The following JAK1 variants were observed in gnomAD, a reference collection of about 807,000 sequenced individuals.
JAK1 encodes tyrosine-protein kinase JAK1.
A neutral mutation model predicts 136.6 loss-of-function variants in JAK1; 16 were observed. The observed-to-expected ratio is 0.12, with a 90% CI of 0.08 to 0.18. JAK1 has a LOEUF of 0.18. Ranked by LOEUF, JAK1 falls within the 10% of genes least tolerant of loss-of-function variation. The pLI is 1.00. For missense variants in JAK1, 859 were observed against 1,450.1 expected, an observed-to-expected ratio of 0.59 and a Z score of 6.62; for synonymous variants, 492 against 519.5, an observed-to-expected ratio of 0.95 and a Z score of 0.72.
At chr1:64,992,177 C>G (rs544412376) in intron 2 of JAK1, 1 of 151,882 alleles carries the variant, frequency 6.6e-6, no homozygotes, top group Admixed American at 6.6e-5. Flanking sequence ...GTCAGGAGTT[C>G]GAGATCAGCC....
intron 1 of JAK1, among the ~76,000 whole-genome samples, chr1:64,931,005 G>A (rs889119797): frequency 3.3e-5 from 5 of 152,018 alleles, no homozygotes; most frequent in African/African-American, 1.2e-4. Context: ...TCAGGGGGTG[G>A]GGGACTAGGG....
chr1:64,838,691 G>A (rs1217636714), intron 20 of JAK1, 102 bp from the exon 21 acceptor site: 2 of 1,149,570 alleles, frequency 1.7e-6, no homozygotes, highest in Non-Finnish European at 2.5e-6. Context: ...GGTGACGCCA[G>A]CTTCGCCCCT....
At chr1:65,004,740 TATA>T (rs1646790073) in intron 2 of JAK1, among the ~76,000 whole-genome samples, 1 of 152,228 alleles carries the variant, frequency 6.6e-6, no homozygotes, top group African/African-American at 2.4e-5. Context: ...ACAATGTGGT[TATA>T]ATAATATAAT....
intron 23 of JAK1, 39 bp from the exon 24 acceptor site, chr1:64,835,545 A>T: frequency 8.3e-7 from 1 of 1,206,328 alleles, no homozygotes; most frequent in East Asian, 2.4e-5. Context: ...TTAACTTTGC[A>T]AGTATTTACA....
intron 2 of JAK1, chr1:64,985,051 T>A: frequency 1.2e-6 from 1 of 869,176 alleles, no homozygotes; most frequent in South Asian, 1.3e-5. Flanking sequence ...CAAACAGACA[T>A]GAGGATGGAA....
At chr1:64,913,157 G>A (rs1645313127) in intron 1 of JAK1, among the ~76,000 whole-genome samples, 1 of 152,128 alleles carries the variant, frequency 6.6e-6, no homozygotes, top group African/African-American at 2.4e-5. Flanking sequence ...GAATAGCCGA[G>A]ACTACAGGCG....
intron 2 of JAK1, among the ~76,000 whole-genome samples, chr1:65,021,971 G>A (rs1466043871): frequency 6.6e-6 from 1 of 152,182 alleles, no homozygotes; most frequent in Non-Finnish European, 1.5e-5. Flanking sequence ...GTAACAGGTG[G>A]ACATGGGAAA....
rs767487932 is a variant in JAK1 at position 64,869,300 on chromosome 1, G to A, written c.647+11C>T. On this transcript the variant is annotated intron_variant, in intron 6 of 24. Coordinates refer to ENST00000342505, the MANE Select transcript of JAK1 (RefSeq NM_002227.4). ...CTCACAATCAATTCTTCAGCCAGTG[G>A]GAAGCTTTACCTGATGTCCTTGGGC... The A allele has an allele frequency of 1.9e-6, 3 of 1,611,550 alleles. No individual in the cohort carries two copies. Among genetic ancestry groups the A allele is most frequent in the Admixed American group, 1.7e-5 (1 of 59,892 alleles).
In JAK1 at chr1:64,855,504, C is replaced by T. The variant is rs1655869190; in HGVS notation, c.1648+5G>A. On this transcript the variant is annotated splice_donor_5th_base_variant and intron_variant, in intron 11 of 24. Transcript: ENST00000342505. Reference sequence around the variant, plus strand: ...ACAGCCTGGCTCTGGCACAGGGAGACGAACCTCGGGGCTTGGGCTGGCAGC... The same window carrying T: ...ACAGCCTGGCTCTGGCACAGGGAGATGAACCTCGGGGCTTGGGCTGGCAGC... 6.2e-7 allele frequency: 1 copy of T among 1,612,966 alleles called. No homozygotes were observed. Among genetic ancestry groups the T allele is most frequent in the Non-Finnish European group, 8.5e-7 (1 of 1,179,332 alleles).
At chr1:64,869,231 T>C (rs1656915382) in intron 6 of JAK1, 80 bp downstream of exon 6, 6 of 1,348,596 alleles carry the variant, frequency 4.4e-6, no homozygotes, top group Non-Finnish European at 6.2e-6. Context: ...ACCCTGGCAG[T>C]AATTAAGCTG....
rs567693434 is a variant in JAK1 at position 64,965,423 on chromosome 1, C to A, written c.-78+910G>T. On this transcript the variant is annotated intron_variant, in intron 1 of 24. Transcript: ENST00000342505. ...CATGGAGTGCAAACCCTCCAAAAAA[C>A]GTGTGCACAAACACCTGGCAAACAT... Among the ~76,000 whole-genome samples, 437 of 152,274 alleles carry A rather than the reference C, an allele frequency of 2.9e-3. 11 individuals are homozygous for A. The highest frequency in any genetic ancestry group is 4.9e-4 in the Non-Finnish European group (33 of 68,022).
intron 2 of JAK1, among the ~76,000 whole-genome samples, chr1:65,020,685 A>G (rs1400407092): frequency 2.6e-5 from 4 of 152,202 alleles, no homozygotes; most frequent in Non-Finnish European, 5.9e-5. Flanking sequence ...TGATTTTACA[A>G]TTACCACTTG....
intron 11 of JAK1, among the ~76,000 whole-genome samples, chr1:64,851,836 C>T (rs779920158): frequency 2.0e-5 from 3 of 152,180 alleles, no homozygotes; most frequent in Non-Finnish European, 2.9e-5. Flanking sequence ...AAAATGACAA[C>T]GAACATGCAT....
chr1:65,018,818 G>A (rs889913762), intron 2 of JAK1, among the ~76,000 whole-genome samples: 1 of 152,110 alleles, frequency 6.6e-6, no homozygotes, highest in African/African-American at 2.4e-5. Context: ...AGACCATCCT[G>A]GCTAACACGG....
At chr1:65,053,709 C>T (rs1455495137) in intron 1 of JAK1, among the ~76,000 whole-genome samples, 3 of 152,072 alleles carry the variant, frequency 2.0e-5, no homozygotes, top group Non-Finnish European at 4.4e-5. Flanking sequence ...AAAAATTAGC[C>T]GGGCATGGTG....
intron 1 of JAK1, among the ~76,000 whole-genome samples, chr1:64,889,061 T>C (rs898084059): frequency 1.3e-5 from 2 of 152,220 alleles, no homozygotes; most frequent in African/African-American, 4.8e-5. Flanking sequence ...ACAGCATTTG[T>C]GTAATGGCTT....
intron 1 of JAK1, among the ~76,000 whole-genome samples, chr1:64,937,491 T>C (rs1252775148): frequency 1.3e-5 from 2 of 152,214 alleles, no homozygotes; most frequent in Admixed American, 6.5e-5. Flanking sequence ...TTTCCATAAA[T>C]TGAAAGCCTT....
At chr1:64,884,735 A>G (rs892366851) in intron 2 of JAK1, among the ~76,000 whole-genome samples, 4 of 152,224 alleles carry the variant, frequency 2.6e-5, no homozygotes, top group African/African-American at 9.7e-5. Context: ...AATTCAGCTC[A>G]GATATCGCCT....
At chr1:64,847,486 C>T (rs1317689000) in intron 13 of JAK1, 46 bp downstream of exon 13, 1 of 1,609,976 alleles carries the variant, frequency 6.2e-7, no homozygotes, top group African/African-American at 1.3e-5. Flanking sequence ...CCACTGGCTC[C>T]AGAAACGGGA....
Sources: allele counts gnomAD v4.1 joint callset (sites outside exome capture counted in the v4.1 genomes callset), GRCh38; gene constraint gnomAD v4.1.1; transcripts MANE v1.5; gene names NCBI Gene and HGNC (gene_info 2026-07-23, HGNC 2026-07-21).